The following LIMD1 variants were observed in gnomAD, a reference collection of about 807,000 sequenced individuals.
The protein encoded by LIMD1 is LIM domain-containing protein 1.
A neutral mutation model predicts 58.4 loss-of-function variants in LIMD1; 23 were observed. The observed-to-expected ratio is 0.39, with a 90% CI of 0.28 to 0.56. The LOEUF (loss-of-function observed/expected upper bound fraction) is 0.56, where lower values mean the gene tolerates loss of function less well. LIMD1 is among the 20% of genes least tolerant of loss of function. The pLI is 0.57. For synonymous variants in LIMD1, 334 were observed against 345.5 expected (o/e 0.97, Z 0.37); for missense variants, 838 against 855.5 (o/e 0.98, Z 0.25).
In LIMD1 at chr3:45,683,508, G is replaced by A. The variant is rs1490261137; in HGVS notation, c.*6449G>A. ...AGGCCAAGTCTTCATTTGCCTAGGA[G>A]TATAACTTTGTAACTTCAGCCTCTG... On this transcript the variant is annotated 3_prime_UTR_variant, in exon 8 of 8. Coordinates refer to ENST00000273317, the MANE Select transcript of LIMD1 (RefSeq NM_014240.3). 1 of 152,070 alleles carries A rather than the reference G, an allele frequency of 6.6e-6. No individual in the cohort carries two copies. The highest frequency in any genetic ancestry group is 2.4e-5 in the African/African-American group (1 of 41,386). The allele number at this position is 152,070 out of a possible 1,614,324, so 9.4% of individuals were successfully genotyped here. A position where few individuals can be genotyped will look rare whatever the true frequency, so the allele number is the denominator to read the frequency against.
intron 1 of LIMD1, among the ~76,000 whole-genome samples, chr3:45,634,514 C>T (rs1701767433): frequency 6.6e-6 from 1 of 152,180 alleles, no homozygotes; most frequent in South Asian, 2.1e-4. Flanking sequence ...TTGCAGGAGG[C>T]AGTAACATGA....
chr3:45,622,206 C>G (rs757659825), intron 1 of LIMD1, among the ~76,000 whole-genome samples: 1 of 152,196 alleles, frequency 6.6e-6, no homozygotes, highest in African/African-American at 2.4e-5. Flanking sequence ...CTCCCTGCTC[C>G]GCTGTCCTCC....
At chr3:45,598,145 TG>T (rs200640706) in intron 1 of LIMD1, among the ~76,000 whole-genome samples, 1 of 151,534 alleles carries the variant, frequency 6.6e-6, no homozygotes, top group Non-Finnish European at 1.5e-5. Flanking sequence ...GACGTGGAGG[TG>T]GGGGGTCCTC....
At chr3:45,663,606 G>A (rs944596511) in intron 2 of LIMD1, among the ~76,000 whole-genome samples, 16 of 152,062 alleles carry the variant, frequency 1.1e-4, no homozygotes, top group African/African-American at 3.9e-4. Flanking sequence ...TTATTCCTAA[G>A]GTATAACAGG....
chr3:45,673,900 C>CA (rs765168414), intron 6 of LIMD1: 32 of 253,332 alleles, frequency 1.3e-4, no homozygotes, highest in East Asian at 3.4e-4. Flanking sequence ...AAAAAAAAAC[C>CA]AAAAAAAACC....
intron 6 of LIMD1, chr3:45,674,006 C>A (rs76080950): frequency 0.013 from 3,635 of 289,112 alleles, 139 homozygotes; most frequent in African/African-American, 0.072. Context: ...TCCCCATAAC[C>A]AGGTCAAACT....
intron 1 of LIMD1, among the ~76,000 whole-genome samples, chr3:45,623,478 T>C (rs1215442614): frequency 1.3e-5 from 2 of 152,128 alleles, no homozygotes; most frequent in African/African-American, 2.4e-5. Flanking sequence ...CTACGGGCAG[T>C]CTGGCAGGGC....
rs972141954 is a variant in LIMD1, at chr3:45,602,149, T to C, written c.1408+5862T>C. On this transcript the variant is annotated intron_variant, in intron 1 of 7. Transcript: ENST00000273317. ...GTTTTTAGTAGAGATGGGGTTTCAC[T>C]GTGTTAGCCAGGATGGTCTCGATCT... 5.3e-5 allele frequency among the ~76,000 whole-genome samples: 8 copies of C among 152,172 alleles called. 1 individual carries two copies. The South Asian group carries it at 6.2e-4, about 12-fold the overall frequency.
intron 1 of LIMD1, among the ~76,000 whole-genome samples, chr3:45,606,710 C>T (rs997433006): frequency 6.6e-6 from 1 of 152,186 alleles, no homozygotes; most frequent in Non-Finnish European, 1.5e-5. Context: ...CCCATACTTC[C>T]CTTGGGCGTG....
At chr3:45,602,692 CA>C (rs1200609603) in intron 1 of LIMD1, among the ~76,000 whole-genome samples, 1 of 149,028 alleles carries the variant, frequency 6.7e-6, no homozygotes, top group Admixed American at 6.8e-5. Flanking sequence ...GCAGTCCAAG[CA>C]AGGAACATGT....
At chr3:45,601,421 G>C (rs976405896) in intron 1 of LIMD1, among the ~76,000 whole-genome samples, 1 of 152,184 alleles carries the variant, frequency 6.6e-6, no homozygotes, top group African/African-American at 2.4e-5. Context: ...CTCTTCAGGG[G>C]CTGACAGGAG....
At position 45,681,340 on chromosome 3, in the gene LIMD1, C is replaced by G. The variant is rs1386916781; in HGVS notation, c.*4281C>G. 6.6e-6 allele frequency: 1 copy of G among 152,180 alleles called. No individual in the cohort carries two copies. The highest frequency in any genetic ancestry group is 1.5e-5 in the Non-Finnish European group (1 of 68,044). The allele number at this position is 152,180 out of a possible 1,614,324, so 9.4% of individuals were successfully genotyped here. On this transcript the variant is annotated 3_prime_UTR_variant, in exon 8 of 8. Transcript: ENST00000273317. Reference sequence around the variant, plus strand: ...CTGGACTTTGTCTTCTTTTACAGCTCTGGATTCTTAAAAGTACCACATAGG... The same window carrying G: ...CTGGACTTTGTCTTCTTTTACAGCTGTGGATTCTTAAAAGTACCACATAGG...
chr3:45,672,012 C>A (rs1697591112), intron 4 of LIMD1, among the ~76,000 whole-genome samples: 2 of 152,136 alleles, frequency 1.3e-5, no homozygotes, highest in Admixed American at 1.3e-4. Context: ...CCATCCAGAT[C>A]CAGATTAAAT....
rs778319526 is a variant in LIMD1 at position 45,679,581 on chromosome 3, A to G, written c.*2522A>G. 20 of 152,284 alleles carry G rather than the reference A, an allele frequency of 1.3e-4. No homozygotes were observed. In the East Asian group the frequency reaches 3.1e-3, roughly 24 times the overall value. 9.4% of individuals were successfully genotyped at this position (152,284 alleles called of 1,614,324 possible). A position where few individuals can be genotyped will look rare whatever the true frequency, so the allele number is the denominator to read the frequency against. ...GCCCTTCTGGGTTTTCTTTTTGACAATTCTTGGACTTGAGGTAAAACAAGG... is the reference window on the plus strand; with the variant it reads ...GCCCTTCTGGGTTTTCTTTTTGACAGTTCTTGGACTTGAGGTAAAACAAGG... On this transcript the variant is annotated 3_prime_UTR_variant, in exon 8 of 8. Transcript: ENST00000273317.
chr3:45,640,428 G>GTTGTT (rs1015777545), intron 2 of LIMD1, among the ~76,000 whole-genome samples: 10 of 152,052 alleles, frequency 6.6e-5, no homozygotes, highest in African/African-American at 2.4e-4. Context: ...TGTTGTTGTT[G>GTTGTT]TTGTTTTGTT....
chr3:45,660,154 T>C (rs1380966511), intron 2 of LIMD1, among the ~76,000 whole-genome samples: 1 of 152,168 alleles, frequency 6.6e-6, no homozygotes, highest in East Asian at 1.9e-4. Context: ...CTCCATACAT[T>C]GGATCAGAAG....
chr3:45,626,817 G>A (rs1197175709), intron 1 of LIMD1, among the ~76,000 whole-genome samples: 1 of 151,022 alleles, frequency 6.6e-6, no homozygotes, highest in South Asian at 2.1e-4. Flanking sequence ...GAGGGGGGCT[G>A]TGCATGTGTG....
intron 1 of LIMD1, among the ~76,000 whole-genome samples, chr3:45,597,719 A>AG (rs1701371444): frequency 6.6e-6 from 1 of 152,220 alleles, no homozygotes; most frequent in African/African-American, 2.4e-5. Flanking sequence ...GGGCAGGGAC[A>AG]GGGAAGGCCC....
chr3:45,597,051 A>G lies in LIMD1; in HGVS notation c.1408+764A>G, dbSNP rs35044352. On this transcript the variant is annotated intron_variant, in intron 1 of 7. Coordinates refer to ENST00000273317, the MANE Select transcript of LIMD1 (RefSeq NM_014240.3). ...TAATTTTTTTTTTTTAAGTAGAGAC[A>G]GGGTTTCACTGCGCTAGCCAGGATG... Among the ~76,000 whole-genome samples the G allele has an allele frequency of 5.3e-3, 801 of 151,188 alleles. 5 individuals are homozygous for G. The highest frequency in any genetic ancestry group is 8.6e-3 in the Non-Finnish European group (580 of 67,824).
Sources: allele counts gnomAD v4.1 joint callset (sites outside exome capture counted in the v4.1 genomes callset), GRCh38; gene constraint gnomAD v4.1.1; transcripts MANE v1.5; gene names NCBI Gene and HGNC (gene_info 2026-07-23, HGNC 2026-07-21).